Variants in SLIT3 observed in about 807,000 individuals in gnomAD.
SLIT3 encodes slit guidance ligand 3.
Under a neutral mutation model 184.0 loss-of-function variants are expected in SLIT3, and 68 were observed. The observed-to-expected ratio is 0.37, with a 90% confidence interval of 0.30 to 0.45. The LOEUF (loss-of-function observed/expected upper bound fraction) is 0.45, where lower values mean the gene tolerates loss of function less well. SLIT3 is among the 20% of genes least tolerant of loss of function. The pLI, the probability that SLIT3 is intolerant of heterozygous loss-of-function variation, is 1.00. For missense variants in SLIT3, 1,707 were observed against 2,026.0 expected (o/e 0.84, Z 3.02); for synonymous variants, 831 against 828.6 (o/e 1.00, Z -0.05).
intron 5 of SLIT3, among the ~76,000 whole-genome samples, chr5:168,881,880 G>A (rs1314761987): frequency 2.0e-5 from 3 of 152,166 alleles, no homozygotes; most frequent in African/African-American, 7.2e-5. Flanking sequence ...TTGTGGGTGT[G>A]GCTGCTCCAC....
intron 4 of SLIT3, among the ~76,000 whole-genome samples, chr5:169,066,339 T>C (rs1758347883): frequency 6.6e-6 from 1 of 152,118 alleles, no homozygotes; most frequent in Admixed American, 6.5e-5. Flanking sequence ...CTTCAAAAGA[T>C]AATCACACCA....
At chr5:168,846,149 C>G (rs916860586) in intron 5 of SLIT3, among the ~76,000 whole-genome samples, 1 of 152,236 alleles carries the variant, frequency 6.6e-6, no homozygotes, top group Admixed American at 6.5e-5. Context: ...TTACAACAGA[C>G]AGACTCTGTC....
At chr5:168,866,458 G>T (rs1423787819) in intron 5 of SLIT3, among the ~76,000 whole-genome samples, 1 of 152,156 alleles carries the variant, frequency 6.6e-6, no homozygotes, top group Non-Finnish European at 1.5e-5. Context: ...TGGATATTAG[G>T]CACAAAGGAC....
At chr5:169,176,681 T>C (rs1762998097) in intron 4 of SLIT3, among the ~76,000 whole-genome samples, 1 of 152,200 alleles carries the variant, frequency 6.6e-6, no homozygotes, top group Admixed American at 6.5e-5. Flanking sequence ...GCCACAACTA[T>C]GTAACGTTGC....
At chr5:168,857,172 G>A (rs973815421) in intron 5 of SLIT3, among the ~76,000 whole-genome samples, 5 of 152,056 alleles carry the variant, frequency 3.3e-5, no homozygotes, top group Non-Finnish European at 7.4e-5. Context: ...AAGCTTCCAG[G>A]TCCAGAGCTC....
intron 4 of SLIT3, among the ~76,000 whole-genome samples, chr5:168,947,978 A>T (rs1244829655): frequency 7.7e-6 from 1 of 129,176 alleles, no homozygotes; most frequent in Non-Finnish European, 1.7e-5. Context: ...TTTAGTAGAG[A>T]TGGGGGTCTC....
At chr5:168,914,905 T>C (rs1761383930) in intron 4 of SLIT3, among the ~76,000 whole-genome samples, 1 of 152,228 alleles carries the variant, frequency 6.6e-6, no homozygotes, top group African/African-American at 2.4e-5. Context: ...GTAGGCTTAC[T>C]GTCACTAGCC....
intron 4 of SLIT3, among the ~76,000 whole-genome samples, chr5:169,075,120 G>T (rs1758689384): frequency 6.6e-6 from 1 of 151,926 alleles, no homozygotes; most frequent in South Asian, 2.1e-4. Context: ...TCTGCTTATG[G>T]CTGGGTCATG....
chr5:169,134,865 GT>G (rs748365293), intron 4 of SLIT3, among the ~76,000 whole-genome samples: 153 of 152,264 alleles, frequency 1.0e-3, no homozygotes, highest in Non-Finnish European at 1.5e-3. Context: ...TTATATGTAG[GT>G]TTTTGTTATG....
chr5:169,230,403 G>A (rs970891012), intron 3 of SLIT3, among the ~76,000 whole-genome samples: 2 of 152,160 alleles, frequency 1.3e-5, no homozygotes, highest in Admixed American at 1.3e-4. Context: ...AACAGAAGCC[G>A]ATTCCTCTCT....
At chr5:168,903,634 T>C (rs1760942935) in intron 4 of SLIT3, among the ~76,000 whole-genome samples, 1 of 152,148 alleles carries the variant, frequency 6.6e-6, no homozygotes, top group Admixed American at 6.5e-5. Flanking sequence ...ATGGTCCTTC[T>C]GCTGTGCATG....
chr5:168,961,074 C>T (rs1355379110), intron 4 of SLIT3, among the ~76,000 whole-genome samples: 1 of 152,154 alleles, frequency 6.6e-6, no homozygotes, highest in Non-Finnish European at 1.5e-5. Context: ...ACATCCCCTC[C>T]AGCTCAGAAA....
intron 3 of SLIT3, among the ~76,000 whole-genome samples, chr5:169,215,418 T>A (rs1764403423): frequency 6.6e-6 from 1 of 152,206 alleles, no homozygotes; most frequent in Non-Finnish European, 1.5e-5. Context: ...TTTCTATTTA[T>A]TTGTTTCTTT....
intron 12 of SLIT3, among the ~76,000 whole-genome samples, chr5:168,777,398 G>A (rs1299605086): frequency 1.3e-5 from 2 of 152,178 alleles, no homozygotes; most frequent in Admixed American, 6.5e-5. Flanking sequence ...AGACAAGGAC[G>A]ATGGCCATGG....
intron 3 of SLIT3, among the ~76,000 whole-genome samples, chr5:169,204,426 A>G (rs1763999065): frequency 6.6e-6 from 1 of 152,348 alleles, no homozygotes; most frequent in Admixed American, 6.5e-5. Flanking sequence ...AAACGGGTTG[A>G]TAGCTAGGAG....
At chr5:168,873,313 A>C (rs771104109) in intron 5 of SLIT3, among the ~76,000 whole-genome samples, 1 of 152,268 alleles carries the variant, frequency 6.6e-6, no homozygotes, top group East Asian at 1.9e-4. Flanking sequence ...GTGGTCCTGC[A>C]AGACTGTTGC....
At chr5:168,950,019 C>T (rs1028789968) in intron 4 of SLIT3, among the ~76,000 whole-genome samples, 1 of 152,186 alleles carries the variant, frequency 6.6e-6, no homozygotes, top group South Asian at 2.1e-4. Flanking sequence ...TTTGAATATA[C>T]ATACAGTCTG....
chr5:169,103,495 G>A (rs543994692), intron 4 of SLIT3, among the ~76,000 whole-genome samples: 1 of 152,330 alleles, frequency 6.6e-6, no homozygotes, highest in Admixed American at 6.5e-5. Context: ...AGTTTTGAAA[G>A]CAAGTGGCTG....
intron 4 of SLIT3, among the ~76,000 whole-genome samples, chr5:168,959,001 G>C (rs78025952): frequency 1.8e-4 from 27 of 152,326 alleles, no homozygotes; most frequent in Admixed American, 1.1e-3. Flanking sequence ...ATTGCTAATC[G>C]ATGACAGCTC....
Sources: gnomAD v4.1 joint callset for allele counts (sites outside exome capture counted in the v4.1 genomes callset) on GRCh38, gnomAD v4.1.1 for gene constraint, MANE v1.5 for transcripts, NCBI Gene and HGNC (gene_info 2026-07-23, HGNC 2026-07-21) for gene names.